The following STRIP1 variants were observed in gnomAD, a reference collection of about 807,000 sequenced individuals.
The protein encoded by STRIP1 is striatin-interacting protein 1.
A neutral mutation model predicts 106.2 loss-of-function variants in STRIP1; 63 were observed. That is an observed-to-expected ratio of 0.59 (90% confidence interval 0.48 to 0.73). STRIP1 has a LOEUF of 0.73. STRIP1 is among the 30% of genes least tolerant of loss of function. STRIP1 has a pLI of 0.00. For missense variants in STRIP1, 857 were observed against 1,074.8 expected, an observed-to-expected ratio of 0.80 and a Z score of 2.83; for synonymous variants, 390 against 413.0, an observed-to-expected ratio of 0.94 and a Z score of 0.67.
Position 110,053,767 on chromosome 1 carries a change from C to T in STRIP1, c.2369C>T (p.Pro790Leu), listed in dbSNP as rs1326374612. ...CGCTATGACCGGGCCCACAGCAACC[C>T]TGACTTCCTGCCAGTGGACAACTGC... ...ARRYDRAHSN[P>L]DFLPVDNCLQ... Residue 790 changes from proline (P) to leucine (L), a missense_variant, in exon 21 of 21, where the codon CCT (proline) becomes CTT (leucine). Transcript: ENST00000369795. The T allele has an allele frequency of 6.2e-7, 1 of 1,614,068 alleles. No homozygotes were observed. Among genetic ancestry groups the T allele is most frequent in the Non-Finnish European group, 8.5e-7 (1 of 1,180,044 alleles).
chr1:110,053,884 C>G lies in STRIP1; in HGVS notation c.2486C>G (p.Pro829Arg). Residue 829 changes from proline to arginine, a missense_variant, in exon 21 of 21, where the codon CCC (proline) becomes CGC (arginine). By Grantham distance (103) the Pro-to-Arg change is moderately radical. Transcript: ENST00000369795. The part of the protein sequence containing the change: ...LWLEREVFSK[P>R]ISWEELLQ Reference sequence around the variant, plus strand: ...TTAGAAAGGGAGGTCTTCTCCAAGCCCATTTCCTGGGAAGAGCTGCTGCAG... The same window carrying G: ...TTAGAAAGGGAGGTCTTCTCCAAGCGCATTTCCTGGGAAGAGCTGCTGCAG... 1 of 1,614,090 alleles carries G rather than the reference C, an allele frequency of 6.2e-7. No homozygotes were observed. Among genetic ancestry groups the G allele is most frequent in the Non-Finnish European group, 8.5e-7 (1 of 1,180,022 alleles).
upstream of STRIP1, chr1:110,034,579 G>T (rs1456807967): frequency 6.9e-7 from 1 of 1,453,334 alleles, no homozygotes; most frequent in Admixed American, 3.0e-5. Context: ...AGAAAATCAC[G>T]CGAGAGTTGC....
intron 12 of STRIP1, 68 bp from the exon 13 acceptor site, chr1:110,046,612 G>A: frequency 7.2e-7 from 1 of 1,380,728 alleles, no homozygotes. Context: ...TGGGGATTTT[G>A]CTAGAGTGCA....
intron 20 of STRIP1, 92 bp downstream of exon 20, chr1:110,051,979 T>G: frequency 2.3e-6 from 3 of 1,318,376 alleles, no homozygotes; most frequent in East Asian, 2.4e-5. Flanking sequence ...GGTACTTCTC[T>G]GCCCTGAGCT....
chr1:110,041,725 C>T lies in STRIP1; in HGVS notation c.758-9C>T, dbSNP rs1652771981. On this transcript the variant is annotated splice_polypyrimidine_tract_variant and intron_variant, in intron 7 of 20. Coordinates refer to ENST00000369795, the MANE Select transcript of STRIP1 (RefSeq NM_033088.4). ...TGGGAGGGTCCTGATACCTTTGTGTCACCTCCAGGCTCCCCGCTGTACAAC... is the reference window on the plus strand; with the variant it reads ...TGGGAGGGTCCTGATACCTTTGTGTTACCTCCAGGCTCCCCGCTGTACAAC... The T allele has an allele frequency of 1.2e-6, 2 of 1,614,100 alleles. No individual in the cohort carries two copies. Among genetic ancestry groups the T allele is most frequent in the Admixed American group, 1.7e-5 (1 of 60,012 alleles).
At chr1:110,041,397 C>A in intron 6 of STRIP1, 139 bp from the exon 7 acceptor site, 1 of 629,982 alleles carries the variant, frequency 1.6e-6, no homozygotes, top group Non-Finnish European at 2.8e-6. Context: ...ATGCTTTTGG[C>A]CATTCTTGTT....
At chr1:110,041,687 A>T (rs376587384) in intron 7 of STRIP1, 45 bp downstream of exon 7, 2 of 1,614,108 alleles carry the variant, frequency 1.2e-6, no homozygotes, top group Admixed American at 3.3e-5. Context: ...CTGGAAGCTG[A>T]GGCGGAAGGC....
At chr1:110,042,718 T>C (rs1387613166) in intron 8 of STRIP1, among the ~76,000 whole-genome samples, 1 of 152,192 alleles carries the variant, frequency 6.6e-6, no homozygotes, top group East Asian at 1.9e-4. Context: ...GTATTTCTAA[T>C]TTGACTTTGA....
rs1217914475 is a variant in STRIP1 at position 110,034,659 on chromosome 1, C to T, written c.22C>T (p.Pro8Ser). The T allele has an allele frequency of 1.3e-6, 2 of 1,521,988 alleles. No individual in the cohort carries two copies. The highest frequency in any genetic ancestry group is 1.4e-5 in the African/African-American group (1 of 69,368). 94.3% of individuals were successfully genotyped at this position (1,521,988 alleles called of 1,614,324 possible). A position where few individuals can be genotyped will look rare whatever the true frequency, so the allele number is the denominator to read the frequency against. ...CAAGATGGAGCCGGCAGTCGGCGGT[C>T]CGGGCCCACTGATCGTGAACAACAA... MEPAVGG[P>S]GPLIVNNKQP... Residue 8 changes from proline (P) to serine (S), a missense_variant, in exon 1 of 21, where the codon CCG becomes TCG. Transcript: ENST00000369795.
rs1652343432 is a variant in STRIP1, at chr1:110,034,630, C to T, written c.-8C>T. ...CGCGAGTTAAGCTGGGGGTGTGGAG[C>T]AGCCAAGATGGAGCCGGCAGTCGGC... On this transcript the variant is annotated 5_prime_UTR_variant, in exon 1 of 21. Coordinates refer to ENST00000369795, the MANE Select transcript of STRIP1 (RefSeq NM_033088.4). 17 of 1,517,422 alleles carry T rather than the reference C, an allele frequency of 1.1e-5. No homozygotes were observed. The East Asian group carries it at 4.2e-4, about 37-fold the overall frequency. 94.0% of individuals were successfully genotyped at this position (1,517,422 alleles called of 1,614,324 possible).
chr1:110,042,882 TCTTTC>T, intron 8 of STRIP1: 1 of 560,306 alleles, frequency 1.8e-6, no homozygotes, highest in South Asian at 2.5e-5. Context: ...GCATCTCCAC[TCTTTC>T]CTTGTTCCTT....
chr1:110,034,790 C>G lies in STRIP1; in HGVS notation c.153C>G (p.Phe51Leu). ...GLLPGGKARE[F>L]NRNQRKDSEG... The stretch of plus-strand genomic sequence containing the variant: ...TGCCTGGGGGCAAAGCCCGCGAGTT[C>G]AACCGCAACCAGCGCAAAGACTCAG... Residue 51 changes from phenylalanine to leucine, a missense_variant, in exon 1 of 21, where the codon TTC (phenylalanine) becomes TTG (leucine). Physicochemically the swap from Phe to Leu is conservative, Grantham distance 22 (BLOSUM62 0). Around this residue, in one of 2 missense-constraint regions of STRIP1, gnomAD observed 107 missense variants for 85.1 expected, o/e 1.26. Transcript: ENST00000369795. 17 of 1,421,880 alleles carry G rather than the reference C, an allele frequency of 1.2e-5. No individual in the cohort carries two copies. Among genetic ancestry groups the G allele is most frequent in the South Asian group, 1.5e-5 (1 of 65,536 alleles). The allele number at this position is 1,421,880 out of a possible 1,614,324, so 88.1% of individuals were successfully genotyped here. A position where few individuals can be genotyped will look rare whatever the true frequency, so the allele number is the denominator to read the frequency against.
intron 6 of STRIP1, chr1:110,041,108 G>T: frequency 5.1e-6 from 1 of 195,290 alleles, no homozygotes; most frequent in Non-Finnish European, 1.0e-5. Flanking sequence ...TTTCATGGCT[G>T]CCCAGGAGCT....
chr1:110,044,660 G>A (rs572677887), intron 10 of STRIP1, among the ~76,000 whole-genome samples, 180 bp from the exon 11 acceptor site: 2 of 152,248 alleles, frequency 1.3e-5, no homozygotes, highest in South Asian at 4.1e-4. Context: ...AAAATTATAA[G>A]AAACATTAAA....
At chr1:110,035,158 T>G (rs1652384966) in intron 1 of STRIP1, among the ~76,000 whole-genome samples, 1 of 152,068 alleles carries the variant, frequency 6.6e-6, no homozygotes, top group Non-Finnish European at 1.5e-5. Flanking sequence ...GGGGTCTTGG[T>G]GCACTCCAGG....
chr1:110,034,557 G>T (rs533938774), upstream of STRIP1: 10 of 1,433,058 alleles, frequency 7.0e-6, no homozygotes, highest in Non-Finnish European at 9.1e-6. Context: ...GGCGGCCAGG[G>T]AAATTTCCTG....
At chr1:110,051,951 C>A in intron 20 of STRIP1, 64 bp downstream of exon 20, 2 of 1,537,414 alleles carry the variant, frequency 1.3e-6, no homozygotes, top group Non-Finnish European at 1.8e-6. Context: ...ATCTTTCACT[C>A]CCTGCCCGTG....
upstream of STRIP1, chr1:110,034,608 G>C (rs1310480216): frequency 2.6e-5 from 38 of 1,480,804 alleles, no homozygotes; most frequent in Middle Eastern, 1.8e-4. Flanking sequence ...GGCTGTGCGC[G>C]AGTTAAGCTG....
In STRIP1 at chr1:110,047,778, C is replaced by T; in HGVS notation, c.1570C>T (p.Leu524Phe). Residue 524 changes from leucine (L) to phenylalanine (F), a missense_variant, in exon 15 of 21, where the codon CTC (leucine) becomes TTC (phenylalanine). Transcript: ENST00000369795. ...LPSLPQYMIA[L>F]LKILLAAAPT... ...AATGGTCTACTCTTCCCAGATTGCC[C>T]TCCTGAAGATCCTGTTGGCTGCAGC... The T allele has an allele frequency of 6.4e-7, 1 of 1,567,896 alleles. No homozygotes were observed. The highest frequency in any genetic ancestry group is 8.7e-7 in the Non-Finnish European group (1 of 1,155,192).
Sources: gnomAD v4.1 joint callset for allele counts (sites outside exome capture counted in the v4.1 genomes callset) on GRCh38, gnomAD v4.1.1 for gene constraint, gnomAD v4.1.1 regional missense constraint, MANE v1.5 for transcripts, NCBI Gene and HGNC (gene_info 2026-07-23, HGNC 2026-07-21) for gene names.